PARP8: variants seen among roughly 807,000 people sequenced by gnomAD.
PARP8 encodes poly(ADP-ribose) polymerase family member 8.
In PARP8, 51 loss-of-function variants were observed where a neutral mutation model predicts 124.1. That is an observed-to-expected ratio of 0.41 (90% CI 0.33 to 0.52). PARP8 has a LOEUF of 0.52. PARP8 is among the 20% of genes least tolerant of loss of function. The probability of loss-of-function intolerance (pLI) is 0.21; values close to 1 mark genes in which losing one functional copy is unlikely to be tolerated. For missense variants in PARP8, 860 were observed against 1,018.9 expected (o/e 0.84, Z 2.12); for synonymous variants, 391 against 361.5 (o/e 1.08, Z -0.93).
At chr5:50,817,303 A>G (rs1320331041) in intron 15 of PARP8, among the ~76,000 whole-genome samples, 1 of 152,220 alleles carries the variant, frequency 6.6e-6, no homozygotes, top group East Asian at 1.9e-4. Context: ...TAATTCTAAA[A>G]ATCAATATCA....
chr5:50,805,569 A>G (rs1212474117), intron 14 of PARP8, among the ~76,000 whole-genome samples: 1 of 152,114 alleles, frequency 6.6e-6, no homozygotes, highest in Non-Finnish European at 1.5e-5. Context: ...AGAAGGCACC[A>G]TGCTAGATTC....
intron 8 of PARP8, among the ~76,000 whole-genome samples, chr5:50,778,343 A>G (rs1740272189): frequency 6.6e-6 from 1 of 152,138 alleles, no homozygotes; most frequent in African/African-American, 2.4e-5. Flanking sequence ...TCTGAAATTT[A>G]TGGGCTTTTA....
rs781021365 is a variant in PARP8 at position 50,667,127 on chromosome 5, A to C, written c.32A>C (p.Gln11Pro). MGMCSRQERIQKDIDVVIQKS... is the reference protein window; with the variant it reads MGMCSRQERIPKDIDVVIQKS... ...ATGTGTTCAAGGCAAGAGCGAATTC[A>C]GAAGGATATCGACGTCGTGATCCAG... is the stretch of plus-strand genomic sequence containing the variant. Residue 11 changes from glutamine to proline, a missense_variant, in exon 1 of 26, where the codon CAG (glutamine) becomes CCG (proline). Coordinates refer to ENST00000281631, the MANE Select transcript of PARP8 (RefSeq NM_024615.4). 1 of 1,596,406 alleles carries C rather than the reference A, an allele frequency of 6.3e-7. No homozygotes were observed.
chr5:50,751,234 C>T (rs1258377939), intron 3 of PARP8, among the ~76,000 whole-genome samples: 2 of 152,016 alleles, frequency 1.3e-5, no homozygotes, highest in Admixed American at 6.6e-5. Context: ...TGTTTAGCTC[C>T]CTCTTGTGGC....
At chr5:50,672,095 C>T (rs1227949484) in intron 2 of PARP8, among the ~76,000 whole-genome samples, 3 of 152,230 alleles carry the variant, frequency 2.0e-5, no homozygotes, top group Non-Finnish European at 4.4e-5. Context: ...CCACAACCTG[C>T]TTTCCATCCT....
intron 2 of PARP8, among the ~76,000 whole-genome samples, chr5:50,747,638 A>G (rs1758736162): frequency 6.7e-6 from 1 of 149,982 alleles, no homozygotes; most frequent in South Asian, 2.1e-4. Flanking sequence ...TGATCTCTTT[A>G]TATCTTTAGT....
rs1402956958 is a variant in PARP8, at chr5:50,688,505, G to GCAT, written c.146+20380_146+20381insCAT. On this transcript the variant is annotated intron_variant, in intron 2 of 25. Transcript: ENST00000281631. Reference sequence around the variant, plus strand: ...ACAAACTCCTTCCAATGCATGTGGTGGGGATAATGATATGTAAATATTTTA... The same window carrying GCAT: ...ACAAACTCCTTCCAATGCATGTGGTGCATGGGATAATGATATGTAAATATTTTA... Among the ~76,000 whole-genome samples the GCAT allele has an allele frequency of 1.9e-3, 296 of 152,268 alleles. 3 individuals carry two copies. Among genetic ancestry groups the GCAT allele is most frequent in the African/African-American group, 6.7e-3 (280 of 41,546 alleles).
At chr5:50,826,603 GAAAC>G in intron 18 of PARP8, 148 bp from the exon 19 acceptor site, 1 of 992,624 alleles carries the variant, frequency 1.0e-6, no homozygotes. Flanking sequence ...ATTGTTTCAG[GAAAC>G]AAACCTAAAT....
chr5:50,747,411 C>G (rs911314901), intron 2 of PARP8, among the ~76,000 whole-genome samples: 5 of 151,716 alleles, frequency 3.3e-5, no homozygotes, highest in Non-Finnish European at 4.4e-5. Context: ...TTGTAGTGTT[C>G]TATGAAAATC....
chr5:50,778,005 C>A, intron 7 of PARP8, 64 bp from the exon 8 acceptor site: 4 of 1,230,338 alleles, frequency 3.3e-6, no homozygotes, highest in East Asian at 2.4e-5. Context: ...ATAAAATAAC[C>A]TAACACACAC....
intron 2 of PARP8, among the ~76,000 whole-genome samples, chr5:50,688,692 T>C (rs781295160): frequency 1.3e-5 from 2 of 152,224 alleles, no homozygotes; most frequent in Non-Finnish European, 2.9e-5. Context: ...AAGTTCTCAA[T>C]TAACATTAAT....
chr5:50,794,337 G>A lies in PARP8; in HGVS notation c.863+5G>A. 6.2e-7 allele frequency: 1 copy of A among 1,612,164 alleles called. No homozygotes were observed. Among genetic ancestry groups the A allele is most frequent in the Non-Finnish European group, 8.5e-7 (1 of 1,178,836 alleles). ...TTTATTTTCTACTTTGCGCAGGTTG[G>A]TAACAGGCAACTTCGTCATTGTCTT... On this transcript the variant is annotated splice_donor_5th_base_variant and intron_variant, in intron 11 of 25. Transcript: ENST00000281631.
intron 7 of PARP8, among the ~76,000 whole-genome samples, chr5:50,775,576 G>A (rs1027935221): frequency 5.3e-5 from 8 of 151,706 alleles, no homozygotes; most frequent in Non-Finnish European, 1.5e-5. Context: ...GAGAATAGAG[G>A]GACAATTTTT....
intron 15 of PARP8, among the ~76,000 whole-genome samples, chr5:50,818,699 G>T (rs1236033270): frequency 6.6e-6 from 1 of 151,292 alleles, no homozygotes; most frequent in Non-Finnish European, 1.5e-5. Flanking sequence ...TAAAGTGGAT[G>T]TTTTAGTCCA....
intron 14 of PARP8, among the ~76,000 whole-genome samples, chr5:50,802,024 G>A (rs116733428): frequency 0.01 from 1,579 of 152,202 alleles, 35 homozygotes; most frequent in African/African-American, 0.037. Context: ...ATCTCTTGTT[G>A]ATAGCAAATT....
intron 9 of PARP8, among the ~76,000 whole-genome samples, chr5:50,784,962 A>G (rs1427077371): frequency 1.3e-5 from 2 of 152,030 alleles, no homozygotes; most frequent in East Asian, 1.9e-4. Flanking sequence ...AATTGCAGCT[A>G]GTACAGAGGT....
Position 50,670,630 on chromosome 5 carries a change from T to G in PARP8, c.146+2505T>G, listed in dbSNP as rs183358189. On this transcript the variant is annotated intron_variant, in intron 2 of 25. Transcript: ENST00000281631. ...GTTAACATCTTGCTATTCTGCCTTGTGGACTTGAGGTGGAAAGGTTCATGG... is the reference window on the plus strand; with the variant it reads ...GTTAACATCTTGCTATTCTGCCTTGGGGACTTGAGGTGGAAAGGTTCATGG... Among the ~76,000 whole-genome samples the G allele has an allele frequency of 5.7e-3, 870 of 152,330 alleles. 3 individuals carry two copies. Among genetic ancestry groups the G allele is most frequent in the Non-Finnish European group, 6.7e-3 (459 of 68,016 alleles).
chr5:50,823,793 C>T (rs1746035668), intron 17 of PARP8, among the ~76,000 whole-genome samples: 2 of 152,170 alleles, frequency 1.3e-5, no homozygotes, highest in South Asian at 2.1e-4. Flanking sequence ...TAGAAGGGAA[C>T]GTAGACGACT....
chr5:50,822,753 T>G (rs1322439064), intron 17 of PARP8, among the ~76,000 whole-genome samples: 1 of 152,204 alleles, frequency 6.6e-6, no homozygotes, highest in African/African-American at 2.4e-5. Context: ...ATTTGAGTAT[T>G]AAAAACAGAA....
Sources: allele counts gnomAD v4.1 joint callset (sites outside exome capture counted in the v4.1 genomes callset), GRCh38; gene constraint gnomAD v4.1.1; transcripts MANE v1.5; gene names NCBI Gene and HGNC (gene_info 2026-07-23, HGNC 2026-07-21).